Variants in NEBL observed in about 807,000 individuals in gnomAD.
The protein encoded by NEBL is LIM and SH3 protein 2.
In NEBL, 122 loss-of-function variants were observed where a neutral mutation model predicts 140.2. The observed-to-expected ratio is 0.87, with a 90% confidence interval of 0.75 to 1.01. NEBL has a LOEUF of 1.01. Among genes scored for constraint, NEBL ranks in the 50% least tolerant of loss-of-function variants. The probability of loss-of-function intolerance (pLI) is 0.00; values close to 1 mark genes in which losing one functional copy is unlikely to be tolerated. For missense variants in NEBL, 1,365 were observed against 1,231.3 expected, an observed-to-expected ratio of 1.11 and a Z score of -1.62; for synonymous variants, 436 against 398.9, an observed-to-expected ratio of 1.09 and a Z score of -1.11.
chr10:20,819,881 C>T (rs1425863179), intron 19 of NEBL, among the ~76,000 whole-genome samples: 1 of 152,026 alleles, frequency 6.6e-6, no homozygotes, highest in African/African-American at 2.4e-5. Flanking sequence ...TGAGCCACCA[C>T]ACCCAACCCT....
intron 3 of NEBL, among the ~76,000 whole-genome samples, chr10:21,006,496 C>G (rs531670760): frequency 2.0e-5 from 3 of 152,300 alleles, no homozygotes; most frequent in Admixed American, 2.0e-4. Context: ...TCCGTGAGAC[C>G]TGTAAATCCA....
chr10:20,949,633 AT>A (rs1034305026), intron 4 of NEBL, among the ~76,000 whole-genome samples: 6 of 152,064 alleles, frequency 3.9e-5, no homozygotes, highest in African/African-American at 7.2e-5. Context: ...TAAGATACTG[AT>A]TTTTTTTAAC....
At chr10:20,825,756 C>G (rs1839788463) in intron 18 of NEBL, among the ~76,000 whole-genome samples, 1 of 151,980 alleles carries the variant, frequency 6.6e-6, no homozygotes, top group Non-Finnish European at 1.5e-5. Context: ...GTCAAACACT[C>G]AATGGAAAAA....
intron 3 of NEBL, among the ~76,000 whole-genome samples, chr10:21,245,198 G>A (rs78840157): frequency 0.079 from 12,075 of 152,046 alleles, 653 homozygotes; most frequent in Non-Finnish European, 0.12. Flanking sequence ...ATTTATAAAG[G>A]TCCACATCCT....
chr10:21,255,841 C>CA (rs1204100847), intron 1 of NEBL, among the ~76,000 whole-genome samples: 1 of 151,704 alleles, frequency 6.6e-6, no homozygotes, highest in Non-Finnish European at 1.5e-5. Context: ...ACTAAAAATA[C>CA]AAAAAATTAG....
At chr10:21,147,872 A>C (rs1276059048) in intron 2 of NEBL, among the ~76,000 whole-genome samples, 1 of 152,118 alleles carries the variant, frequency 6.6e-6, no homozygotes, top group Non-Finnish European at 1.5e-5. Context: ...AATTCAATTC[A>C]CTCACAGGTT....
chr10:20,914,973 T>TTTTTTTTTTTTC (rs1848482750), intron 4 of NEBL, among the ~76,000 whole-genome samples: 1 of 145,672 alleles, frequency 6.9e-6, no homozygotes, highest in African/African-American at 2.5e-5. Flanking sequence ...GCTGGGATTT[T>TTTTTTTTTTTTC]TTTTTTTTTT....
intron 1 of NEBL, among the ~76,000 whole-genome samples, chr10:21,262,487 A>T (rs145132281): frequency 3.9e-5 from 6 of 152,300 alleles, no homozygotes; most frequent in Admixed American, 3.9e-4. Flanking sequence ...CCAGTGCCAG[A>T]GCTGGAAACC....
rs727504947 is a variant in NEBL, at chr10:20,785,743, A to T, written c.*4T>A. The T allele has an allele frequency of 1.9e-5, 30 of 1,613,268 alleles. No individual in the cohort carries two copies. Among genetic ancestry groups the T allele is most frequent in the East Asian group, 1.1e-4 (5 of 44,782 alleles). Reference sequence around the variant, plus strand: ...AATAAAGCTCAAAGGGCAGGGAGAAATAATTAATTAACAAACTCAATGTAA... The same window carrying T: ...AATAAAGCTCAAAGGGCAGGGAGAATTAATTAATTAACAAACTCAATGTAA... On this transcript the variant is annotated 3_prime_UTR_variant, in exon 28 of 28. Coordinates refer to ENST00000377122, the MANE Select transcript of NEBL (RefSeq NM_006393.3).
In NEBL at chr10:21,240,223, C is replaced by T. The variant is rs191705148; in HGVS notation, n.348+7698G>A. Among the ~76,000 whole-genome samples the T allele has an allele frequency of 3.3e-5, 5 of 152,282 alleles. No individual in the cohort carries two copies. The East Asian group carries it at 9.6e-4, about 29-fold the overall frequency. ...CTAATATATTCACAAATTGGATTCT[C>T]CCTGTATTTCTAGCTTTTCAGTGCA... is the stretch of plus-strand genomic sequence containing the variant. On this transcript the variant is annotated intron_variant and non_coding_transcript_variant, in intron 3 of 8. Coordinates refer to the NEBL transcript ENST00000675702.
At chr10:21,133,346 C>T (rs900900401) in intron 2 of NEBL, among the ~76,000 whole-genome samples, 1 of 152,130 alleles carries the variant, frequency 6.6e-6, no homozygotes, top group African/African-American at 2.4e-5. Context: ...TCTTGGGAGG[C>T]CAGGCTTAGC....
chr10:21,197,169 C>T (rs1297122824), intron 3 of NEBL, among the ~76,000 whole-genome samples: 4 of 152,164 alleles, frequency 2.6e-5, no homozygotes, highest in Admixed American at 2.0e-4. Context: ...TTTCTCTAGC[C>T]ATGGCACTGA....
intron 4 of NEBL, among the ~76,000 whole-genome samples, chr10:20,939,369 C>G (rs1466765369): frequency 1.3e-5 from 2 of 152,228 alleles, no homozygotes; most frequent in East Asian, 3.9e-4. Flanking sequence ...AAATACTTTA[C>G]AGACAAGCAA....
intron 12 of NEBL, 105 bp downstream of exon 12, chr10:20,845,153 C>T (rs751641043): frequency 1.4e-6 from 1 of 705,360 alleles, no homozygotes; most frequent in Non-Finnish European, 2.5e-6. Flanking sequence ...AAGAGTAATG[C>T]CTTAATATCT....
At chr10:20,998,249 G>A (rs1001866447) in intron 3 of NEBL, among the ~76,000 whole-genome samples, 1 of 152,126 alleles carries the variant, frequency 6.6e-6, no homozygotes, top group Non-Finnish European at 1.5e-5. Context: ...ACCCTGAGTA[G>A]CCGTGTGGCC....
At chr10:21,217,267 C>T (rs1395768203) in intron 3 of NEBL, among the ~76,000 whole-genome samples, 1 of 152,116 alleles carries the variant, frequency 6.6e-6, no homozygotes, top group African/African-American at 2.4e-5. Context: ...CAGAAGTTTC[C>T]TCCAAATTGA....
chr10:20,798,970 C>A (rs1452414414), intron 26 of NEBL, among the ~76,000 whole-genome samples: 1 of 152,114 alleles, frequency 6.6e-6, no homozygotes, highest in African/African-American at 2.4e-5. Context: ...AGTTTCGCTG[C>A]CCGAAACTTT....
chr10:21,194,697 C>G (rs1386427764), intron 3 of NEBL, among the ~76,000 whole-genome samples: 1 of 152,136 alleles, frequency 6.6e-6, no homozygotes. Context: ...CACAGAGCCT[C>G]TCCCCAGATC....
intron 2 of NEBL, among the ~76,000 whole-genome samples, chr10:21,051,779 C>T (rs1834790138): frequency 6.6e-6 from 1 of 152,158 alleles, no homozygotes; most frequent in South Asian, 2.1e-4. Context: ...GTTTTTAAAA[C>T]CACTTTATTG....
Sources: gnomAD v4.1 joint callset for allele counts (sites outside exome capture counted in the v4.1 genomes callset) on GRCh38, gnomAD v4.1.1 for gene constraint, MANE v1.5 for transcripts, NCBI Gene and HGNC (gene_info 2026-07-23, HGNC 2026-07-21) for gene names.